The following SCUBE1 variants were observed in gnomAD, a reference collection of about 807,000 sequenced individuals.
SCUBE1 encodes the protein signal peptide, CUB domain and EGF like domain containing 1.
In SCUBE1, 59 loss-of-function variants were observed where a neutral mutation model predicts 124.4. The observed-to-expected ratio is 0.47, with a 90% CI of 0.38 to 0.59. The LOEUF (loss-of-function observed/expected upper bound fraction) is 0.59, where lower values mean the gene tolerates loss of function less well. SCUBE1 is among the 20% of genes least tolerant of loss of function. The probability of loss-of-function intolerance (pLI) is 0.00; values close to 1 mark genes in which losing one functional copy is unlikely to be tolerated. For synonymous variants in SCUBE1, 545 were observed against 550.9 expected (o/e 0.99, Z 0.15); for missense variants, 1,150 against 1,371.2 (o/e 0.84, Z 2.55).
rs369687183 is a variant in SCUBE1 at position 43,211,257 on chromosome 22, A to G, written c.2222-174T>C. 1.2e-4 allele frequency among the ~76,000 whole-genome samples: 18 copies of G among 152,262 alleles called. No individual in the cohort carries two copies. The highest frequency in any genetic ancestry group is 7.8e-4 in the Admixed American group (12 of 15,306). On this transcript the variant is annotated intron_variant, in intron 17 of 21. Coordinates refer to ENST00000360835, the MANE Select transcript of SCUBE1 (RefSeq NM_173050.5). The surrounding 1 kb of genome is among the most constrained non-coding windows in gnomAD (Gnocchi z 4.5). ...CCACCCTCACTCCGCCATGGCCAGG[A>G]AGAGCCCTTGGCGTGGGGGTCACAT...
At position 43,292,976 on chromosome 22, in the gene SCUBE1, C is replaced by G. The variant is rs1925423148; in HGVS notation, c.350-1796G>C. 2.0e-5 allele frequency among the ~76,000 whole-genome samples: 3 copies of G among 152,226 alleles called. No homozygotes were observed. The South Asian group carries it at 6.2e-4, about 31-fold the overall frequency. On this transcript the variant is annotated intron_variant, in intron 3 of 21. Coordinates refer to ENST00000360835, the MANE Select transcript of SCUBE1 (RefSeq NM_173050.5). ...ATCGCACCATTCTGACTGGGGAAGCCTGGGGAGGAGGGAGAGGGACTATCC... is the reference window on the plus strand; with the variant it reads ...ATCGCACCATTCTGACTGGGGAAGCGTGGGGAGGAGGGAGAGGGACTATCC...
chr22:43,283,824 TA>T (rs1379957918), intron 4 of SCUBE1: 2 of 152,282 alleles, frequency 1.3e-5, no homozygotes, highest in African/African-American at 2.4e-5. Flanking sequence ...TAAAAAATTC[TA>T]AAAAATCCTA....
chr22:43,281,486 T>C (rs1293208381), intron 4 of SCUBE1, among the ~76,000 whole-genome samples: 6 of 64,788 alleles, frequency 9.3e-5, no homozygotes, highest in African/African-American at 6.6e-4. Flanking sequence ...ACCTCCCTCT[T>C]TGGCCACCCT....
In SCUBE1 at chr22:43,210,664, G is replaced by A. The variant is rs536032955; in HGVS notation, c.2383+258C>T. Reference sequence around the variant, plus strand: ...GGGCCTGGCCCAGGGCAGAGGCTTGGGCTGTGTTGGGTGAGCAGTGGGAAC... The same window carrying A: ...GGGCCTGGCCCAGGGCAGAGGCTTGAGCTGTGTTGGGTGAGCAGTGGGAAC... On this transcript the variant is annotated intron_variant, in intron 18 of 21. Transcript: ENST00000360835. The surrounding 1 kb of genome is among the most constrained non-coding windows in gnomAD (Gnocchi z 4.5). Among the ~76,000 whole-genome samples the A allele has an allele frequency of 1.3e-5, 2 of 152,336 alleles. No individual in the cohort carries two copies. The highest frequency in any genetic ancestry group is 3.9e-4 in the East Asian group (2 of 5,182).
chr22:43,222,801 A>G, intron 11 of SCUBE1, 59 bp from the exon 12 acceptor site: 1 of 1,329,668 alleles, frequency 7.5e-7, no homozygotes, highest in Non-Finnish European at 1.1e-6. Context: ...CGGCCCTCAG[A>G]TTCTTGGGGC....
At chr22:43,239,139 T>A in intron 6 of SCUBE1, 185 bp from the exon 7 acceptor site, 1 of 600,078 alleles carries the variant, frequency 1.7e-6, no homozygotes. Context: ...AAGCTCCCCA[T>A]CTGTGAAATG....
chr22:43,207,423 A>C, intron 21 of SCUBE1, 111 bp downstream of exon 21: 1 of 816,340 alleles, frequency 1.2e-6, no homozygotes. Flanking sequence ...TCCCATCACC[A>C]CCCACCCTCC....
intron 15 of SCUBE1, among the ~76,000 whole-genome samples, chr22:43,214,999 G>T (rs1921747960): frequency 6.6e-6 from 1 of 152,292 alleles, no homozygotes; most frequent in Admixed American, 6.5e-5. Flanking sequence ...AGATTCCCAT[G>T]CCTGTGTGTG....
intron 7 of SCUBE1, among the ~76,000 whole-genome samples, chr22:43,232,888 G>C (rs1392796085): frequency 6.6e-6 from 1 of 152,230 alleles, no homozygotes; most frequent in Admixed American, 6.5e-5. Context: ...GGCATTCTGT[G>C]CCATTAGAGG....
intron 3 of SCUBE1, among the ~76,000 whole-genome samples, chr22:43,296,294 T>C (rs919809354): frequency 4.6e-5 from 7 of 152,192 alleles, no homozygotes; most frequent in Admixed American, 2.0e-4. Flanking sequence ...CACTGAGGCC[T>C]TGGGCCAGGG....
In SCUBE1 at chr22:43,255,721, A is replaced by G; in HGVS notation, c.727+2498T>C. 5 of 712,590 alleles carry G rather than the reference A, an allele frequency of 7.0e-6. No individual in the cohort carries two copies. The South Asian group carries it at 8.5e-5, about 12-fold the overall frequency. 44.1% of individuals were successfully genotyped at this position (712,590 alleles called of 1,614,324 possible). On this transcript the variant is annotated intron_variant, in intron 6 of 21. Transcript: ENST00000360835. The surrounding 1 kb of genome is among the most constrained non-coding windows in gnomAD (Gnocchi z 4.7). ...AGCTCGGCATCCTCGCCAAGGGGCT[A>G]ATCCCAGGAACCTCCAAGGTGGGGG...
intron 2 of SCUBE1, among the ~76,000 whole-genome samples, chr22:43,334,389 G>T (rs1266516823): frequency 1.3e-5 from 2 of 152,200 alleles, no homozygotes; most frequent in African/African-American, 4.8e-5. Flanking sequence ...AACAGTCGAT[G>T]AACCAGAATA....
At chr22:43,310,643 T>C (rs1466115767) in intron 3 of SCUBE1, among the ~76,000 whole-genome samples, 1 of 152,268 alleles carries the variant, frequency 6.6e-6, no homozygotes, top group Non-Finnish European at 1.5e-5. Context: ...ACAGAATTCA[T>C]GAGCAAAATA....
chr22:43,306,995 G>C (rs533012301), intron 3 of SCUBE1, among the ~76,000 whole-genome samples: 2 of 152,346 alleles, frequency 1.3e-5, no homozygotes, highest in Admixed American at 1.3e-4. Context: ...CAAGTCGTTT[G>C]CCTCCTGAGG....
intron 1 of SCUBE1, 23 bp downstream of exon 1, chr22:43,343,148 GCCC>G: frequency 8.9e-7 from 1 of 1,123,416 alleles, no homozygotes; most frequent in Non-Finnish European, 1.1e-6. Context: ...CGCGCCCGCC[GCCC>G]CCCACCTCGG....
At chr22:43,216,643 T>C (rs1036658302) in intron 15 of SCUBE1, among the ~76,000 whole-genome samples, 1 of 151,852 alleles carries the variant, frequency 6.6e-6, no homozygotes, top group Non-Finnish European at 1.5e-5. Context: ...AGAGCGAGAC[T>C]CTGTCTCAAA....
At chr22:43,219,602 TAGCTGGGATTACAGGTGCCTGCCACCAC>T (rs1478610810) in intron 14 of SCUBE1, among the ~76,000 whole-genome samples, 1 of 152,022 alleles carries the variant, frequency 6.6e-6, no homozygotes, top group Admixed American at 6.5e-5. Flanking sequence ...GCCTCCTGAG[TAGCTGGGATTACAGGTGCCTGCCACCAC>T]ACCTGGCTAA....
chr22:43,326,252 A>T (rs1394642541), intron 2 of SCUBE1, among the ~76,000 whole-genome samples: 1 of 151,852 alleles, frequency 6.6e-6, no homozygotes, highest in East Asian at 1.9e-4. Flanking sequence ...TCTAACAAAG[A>T]CCCCTTTCCT....
At chr22:43,232,624 T>C (rs1922601561) in intron 7 of SCUBE1, 1 of 152,206 alleles carries the variant, frequency 6.6e-6, no homozygotes, top group South Asian at 2.1e-4. Flanking sequence ...AGTGAATGAG[T>C]TGTAGTATGC....
Sources: allele counts gnomAD v4.1 joint callset (sites outside exome capture counted in the v4.1 genomes callset), GRCh38; gene constraint gnomAD v4.1.1; non-coding constraint Gnocchi (gnomAD v3.1); transcripts MANE v1.5; gene names NCBI Gene and HGNC (gene_info 2026-07-23, HGNC 2026-07-21).